The following COL22A1 variants were observed in gnomAD, a reference collection of about 807,000 sequenced individuals.
COL22A1 encodes the protein collagen alpha-1(XXII) chain.
A neutral mutation model predicts 248.9 loss-of-function variants in COL22A1; 221 were observed. The observed-to-expected ratio is 0.89, with a 90% CI of 0.80 to 0.99. The LOEUF is 0.99. Among genes scored for constraint, COL22A1 ranks in the 50% least tolerant of loss-of-function variants. COL22A1 has a pLI of 0.00. For missense variants in COL22A1, 2,240 were observed against 2,179.0 expected, an observed-to-expected ratio of 1.03 and a Z score of -0.56; for synonymous variants, 891 against 793.4, an observed-to-expected ratio of 1.12 and a Z score of -2.07.
chr8:138,902,739 T>TATAC (rs763466994), intron 1 of COL22A1, among the ~76,000 whole-genome samples: 44 of 93,880 alleles, frequency 4.7e-4, no homozygotes, highest in African/African-American at 1.9e-3. Flanking sequence ...TATATATATA[T>TATAC]ACACACACAC....
intron 30 of COL22A1, among the ~76,000 whole-genome samples, chr8:138,713,688 C>T (rs990208741): frequency 7.2e-6 from 1 of 139,130 alleles, no homozygotes; most frequent in Non-Finnish European, 1.6e-5. Context: ...CACAACAAAA[C>T]CTCATCACAC....
At chr8:138,750,251 G>A (rs1221077033) in intron 22 of COL22A1, among the ~76,000 whole-genome samples, 1 of 152,160 alleles carries the variant, frequency 6.6e-6, no homozygotes, top group African/African-American at 2.4e-5. Context: ...CGTGAGAACA[G>A]ACTAATACAA....
chr8:138,695,334 C>T (rs1045034841), intron 32 of COL22A1, among the ~76,000 whole-genome samples: 2 of 152,100 alleles, frequency 1.3e-5, no homozygotes, highest in African/African-American at 4.8e-5. Flanking sequence ...CTTTTTCTCC[C>T]TCTCTTTCTC....
chr8:138,872,215 C>T (rs563980079), intron 3 of COL22A1, among the ~76,000 whole-genome samples: 128 of 152,274 alleles, frequency 8.4e-4, no homozygotes, highest in Non-Finnish European at 1.7e-3. Context: ...CAAGTGGAAG[C>T]GCCCAGGAGT....
chr8:138,840,797 A>C (rs571251743), intron 4 of COL22A1, among the ~76,000 whole-genome samples: 73 of 152,214 alleles, frequency 4.8e-4, no homozygotes, highest in African/African-American at 1.7e-3. Context: ...TTTTTTGTAG[A>C]GATGGGGTTT....
rs138588004 is a variant in COL22A1 at position 138,651,479 on chromosome 8, A to G, written c.3334-1701T>C. On this transcript the variant is annotated intron_variant, in intron 45 of 64. Coordinates refer to ENST00000303045, the MANE Select transcript of COL22A1 (RefSeq NM_152888.3). Reference sequence around the variant, plus strand: ...ACCTGACATTCTGGCGACTTGTGCCATCTTCTTTTAGTGGTTAGTTTGCAA... The same window carrying G: ...ACCTGACATTCTGGCGACTTGTGCCGTCTTCTTTTAGTGGTTAGTTTGCAA... Among the ~76,000 whole-genome samples, 48 of 152,322 alleles carry G rather than the reference A, an allele frequency of 3.2e-4. No homozygotes were observed. The East Asian group carries it at 8.3e-3, about 26-fold the overall frequency.
At chr8:138,797,699 C>G (rs1022098492) in intron 11 of COL22A1, among the ~76,000 whole-genome samples, 3 of 152,096 alleles carry the variant, frequency 2.0e-5, no homozygotes, top group Non-Finnish European at 4.4e-5. Context: ...ATTATGCAAG[C>G]AATCCATGAA....
chr8:138,700,159 A>G lies in COL22A1; in HGVS notation c.2560-15T>C, dbSNP rs1259663660. Reference sequence around the variant, plus strand: ...AACAGGGATGTCTGAAAAGGAAACCACAGAGATTAGAAAGATGGGCATCAA... The same window carrying G: ...AACAGGGATGTCTGAAAAGGAAACCGCAGAGATTAGAAAGATGGGCATCAA... On this transcript the variant is annotated splice_polypyrimidine_tract_variant and intron_variant, in intron 31 of 64. Transcript: ENST00000303045. 7 of 1,612,798 alleles carry G rather than the reference A, an allele frequency of 4.3e-6. No individual in the cohort carries two copies. Among genetic ancestry groups the G allele is most frequent in the Non-Finnish European group, 5.9e-6 (7 of 1,179,574 alleles).
At chr8:138,862,156 T>G (rs943220034) in intron 3 of COL22A1, among the ~76,000 whole-genome samples, 1 of 151,946 alleles carries the variant, frequency 6.6e-6, no homozygotes, top group Non-Finnish European at 1.5e-5. Flanking sequence ...AGGTGAAGGT[T>G]GCAGTGAGCC....
At chr8:138,831,983 T>A (rs1352442620) in intron 5 of COL22A1, among the ~76,000 whole-genome samples, 1 of 151,836 alleles carries the variant, frequency 6.6e-6, no homozygotes, top group African/African-American at 2.4e-5. Flanking sequence ...AAAATACAGG[T>A]CATAAAGACC....
rs1821044007 is a variant in COL22A1 at position 138,635,192 on chromosome 8, ACT to A, written c.3556-131_3556-130del. The A allele has an allele frequency of 4.5e-6, 3 of 659,482 alleles. No homozygotes were observed. The African/African-American group carries it at 5.6e-5, about 12-fold the overall frequency. 40.9% of individuals were successfully genotyped at this position (659,482 alleles called of 1,614,324 possible). ...CCTACTAACAATTTTGCTTAAAGAC[ACT>A]GACAATAAAAGGGACTTCTTTTTAT... On this transcript the variant is annotated intron_variant, in intron 48 of 64. Coordinates refer to ENST00000303045, the MANE Select transcript of COL22A1 (RefSeq NM_152888.3).
At chr8:138,744,415 T>G (rs540619555) in intron 22 of COL22A1, among the ~76,000 whole-genome samples, 50 of 152,054 alleles carry the variant, frequency 3.3e-4, no homozygotes, top group Admixed American at 6.6e-4. Flanking sequence ...ATTCAAAGCA[T>G]GCACAGCAAG....
chr8:138,657,081 C>T (rs1047119790), intron 44 of COL22A1, among the ~76,000 whole-genome samples: 4 of 152,134 alleles, frequency 2.6e-5, no homozygotes, highest in African/African-American at 7.2e-5. Context: ...TCAATCAATG[C>T]TCTGGGCTAT....
chr8:138,768,909 C>T (rs1834129775), intron 16 of COL22A1, among the ~76,000 whole-genome samples: 1 of 151,994 alleles, frequency 6.6e-6, no homozygotes. Flanking sequence ...TGCACTCCAG[C>T]CTGGGCAATA....
In COL22A1 at chr8:138,623,725, C is replaced by T. The variant is rs1237828369; in HGVS notation, c.3771+7G>A. ...TGTGATATAATAGGAAGTTTAGAGTCCTTTACCGGCTCTCCAGGGGGACCC... is the reference window on the plus strand; with the variant it reads ...TGTGATATAATAGGAAGTTTAGAGTTCTTTACCGGCTCTCCAGGGGGACCC... On this transcript the variant is annotated splice_region_variant and intron_variant, in intron 52 of 64. Coordinates refer to ENST00000303045, the MANE Select transcript of COL22A1 (RefSeq NM_152888.3). 1.2e-6 allele frequency: 2 copies of T among 1,610,244 alleles called. No individual in the cohort carries two copies. Among genetic ancestry groups the T allele is most frequent in the African/African-American group, 1.3e-5 (1 of 74,596 alleles).
At chr8:138,812,669 C>A (rs2131703512) in intron 8 of COL22A1, among the ~76,000 whole-genome samples, 1 of 151,946 alleles carries the variant, frequency 6.6e-6, no homozygotes, top group East Asian at 1.9e-4. Context: ...CCCTCCCAGC[C>A]CCTGCCTCCT....
chr8:138,672,839 G>A (rs1429460777), intron 41 of COL22A1, among the ~76,000 whole-genome samples: 3 of 152,186 alleles, frequency 2.0e-5, no homozygotes, highest in African/African-American at 7.2e-5. Flanking sequence ...GTAGGAAGGA[G>A]CAAGTCCTGG....
chr8:138,631,780 G>A (rs538231756), intron 49 of COL22A1, among the ~76,000 whole-genome samples: 48 of 152,176 alleles, frequency 3.2e-4, no homozygotes, highest in African/African-American at 1.1e-3. Context: ...ACCCAAAACT[G>A]AAAGACCTAC....
At chr8:138,777,184 A>G (rs1814543582) in intron 15 of COL22A1, among the ~76,000 whole-genome samples, 1 of 152,202 alleles carries the variant, frequency 6.6e-6, no homozygotes, top group African/African-American at 2.4e-5. Flanking sequence ...AAAAGATGGT[A>G]GAGATAGCGG....
Sources: gnomAD v4.1 joint callset for allele counts (sites outside exome capture counted in the v4.1 genomes callset) on GRCh38, gnomAD v4.1.1 for gene constraint, MANE v1.5 for transcripts, NCBI Gene and HGNC (gene_info 2026-07-23, HGNC 2026-07-21) for gene names.